The following ATXN2 variants were observed in gnomAD, a reference collection of about 807,000 sequenced individuals.
ATXN2 encodes the protein ataxin 2.
In ATXN2, 37 loss-of-function variants were observed where a neutral mutation model predicts 138.6. The ratio of observed to expected loss-of-function variants is 0.27; its 90% CI spans 0.21 to 0.35. The LOEUF (loss-of-function observed/expected upper bound fraction) is 0.35. Ranked by LOEUF, ATXN2 falls within the 10% of genes least tolerant of loss-of-function variation. The probability of loss-of-function intolerance (pLI) is 1.00; values close to 1 mark genes in which losing one functional copy is unlikely to be tolerated. For synonymous variants in ATXN2, 549 were observed against 543.7 expected (o/e 1.01, Z -0.13); for missense variants, 1,216 against 1,480.3 (o/e 0.82, Z 2.93).
At chr12:111,585,801 C>CAAAAAAAAA in intron 1 of ATXN2, among the ~76,000 whole-genome samples, 1 of 24,802 alleles carries the variant, frequency 4.0e-5, no homozygotes, top group Non-Finnish European at 1.9e-4. Flanking sequence ...AACTCCATCT[C>CAAAAAAAAA]AAAAAAAAAA....
chr12:111,502,635 C>T (rs1022991410), intron 14 of ATXN2, among the ~76,000 whole-genome samples: 3 of 151,832 alleles, frequency 2.0e-5, no homozygotes, highest in African/African-American at 4.8e-5. Flanking sequence ...TTCATCATGT[C>T]GGCCAGGCTG....
At chr12:111,537,567 A>G (rs1440719021) in intron 5 of ATXN2, among the ~76,000 whole-genome samples, 1 of 150,198 alleles carries the variant, frequency 6.7e-6, no homozygotes. Flanking sequence ...TGGGCGACAC[A>G]GTGAGACTCT....
At chr12:111,561,400 TG>T (rs1265009984) in intron 1 of ATXN2, among the ~76,000 whole-genome samples, 4 of 151,764 alleles carry the variant, frequency 2.6e-5, no homozygotes, top group African/African-American at 9.7e-5. Context: ...AGGAGGTGGC[TG>T]AGGGAGGAGA....
chr12:111,557,283 G>A (rs973229965), intron 1 of ATXN2, among the ~76,000 whole-genome samples: 1 of 152,164 alleles, frequency 6.6e-6, no homozygotes, highest in Non-Finnish European at 1.5e-5. Flanking sequence ...CCCTAGAAGA[G>A]TACTCTTAAC....
intron 18 of ATXN2, among the ~76,000 whole-genome samples, chr12:111,483,452 CTTTTT>C (rs927752030): frequency 5.6e-5 from 6 of 107,216 alleles, no homozygotes; most frequent in Middle Eastern, 7.1e-3. Context: ...TAAAAGAACT[CTTTTT>C]TTTTTTTTTT....
rs560594298 is a variant in ATXN2, at chr12:111,550,845, A to G, written c.571+1435T>C. On this transcript the variant is annotated intron_variant, in intron 5 of 24. Coordinates refer to ENST00000673436, the MANE Select transcript of ATXN2 (RefSeq NM_001372574.1). ...TAAGTCTAAGAGAAAGAATCCTGGT[A>G]TATTATTATTTCCAAGTAACAGTGT... Among the ~76,000 whole-genome samples, 169 of 152,316 alleles carry G rather than the reference A, an allele frequency of 1.1e-3. 2 individuals are homozygous for G. The highest frequency in any genetic ancestry group is 2.3e-3 in the Non-Finnish European group (156 of 68,024).
At chr12:111,481,810 C>T (rs1268871884) in intron 18 of ATXN2, among the ~76,000 whole-genome samples, 3 of 151,880 alleles carry the variant, frequency 2.0e-5, no homozygotes, top group Non-Finnish European at 2.9e-5. Context: ...TATAGGTGCA[C>T]GCTACCATGC....
intron 14 of ATXN2, among the ~76,000 whole-genome samples, chr12:111,489,745 T>C (rs1375184504): frequency 4.0e-5 from 6 of 151,740 alleles, no homozygotes; most frequent in Non-Finnish European, 8.8e-5. Context: ...AACATAGTGA[T>C]ACCCTGTCTC....
At chr12:111,489,402 CAGG>C (rs1395934311) in intron 14 of ATXN2, among the ~76,000 whole-genome samples, 3 of 152,090 alleles carry the variant, frequency 2.0e-5, no homozygotes, top group Admixed American at 2.0e-4. Context: ...ATCACGAGGT[CAGG>C]AGATCGAGAC....
At chr12:111,470,846 G>A (rs756680854) in intron 18 of ATXN2, 104 bp from the exon 19 acceptor site, 174 of 1,220,026 alleles carry the variant, frequency 1.4e-4, no homozygotes, top group Middle Eastern at 7.6e-4. Flanking sequence ...CTGAATCTGC[G>A]TCTCTGATGC....
At chr12:111,506,391 CACT>C (rs1441317348) in intron 14 of ATXN2, among the ~76,000 whole-genome samples, 2 of 151,938 alleles carry the variant, frequency 1.3e-5, no homozygotes, top group African/African-American at 2.4e-5. Flanking sequence ...CATTAAAAAC[CACT>C]GATTTATACA....
chr12:111,453,363 C>CA lies in ATXN2; in HGVS notation c.3439+313dup. ...GACTTTTGGGACTCAGGAAGGAAAA[C>CA]ACTGCCCTGTCCAGCCTGTCATAAC... is the stretch of plus-strand genomic sequence containing the variant. On this transcript the variant is annotated intron_variant, in intron 24 of 24. Transcript: ENST00000673436. The surrounding 1 kb of genome is among the most constrained non-coding windows in gnomAD (Gnocchi z 5.4). 1 of 1,124,348 alleles carries CA rather than the reference C, an allele frequency of 8.9e-7. No individual in the cohort carries two copies. Among genetic ancestry groups the CA allele is most frequent in the Non-Finnish European group, 1.1e-6 (1 of 919,236 alleles). The allele number at this position is 1,124,348 out of a possible 1,614,324, so 69.6% of individuals were successfully genotyped here. A position where few individuals can be genotyped will look rare whatever the true frequency, so the allele number is the denominator to read the frequency against.
chr12:111,560,725 T>C (rs867278779), intron 1 of ATXN2, among the ~76,000 whole-genome samples: 2 of 150,952 alleles, frequency 1.3e-5, no homozygotes, highest in South Asian at 4.3e-4. Flanking sequence ...CCAGAGTTAC[T>C]ACATTACTTA....
At chr12:111,575,114 C>T (rs1883560449) in intron 1 of ATXN2, among the ~76,000 whole-genome samples, 1 of 152,150 alleles carries the variant, frequency 6.6e-6, no homozygotes, top group Non-Finnish European at 1.5e-5. Context: ...ATCAATTTTT[C>T]AAGCTGAGGT....
At position 111,598,997 on chromosome 12, in the gene ATXN2, TGCTGC is replaced by T. The variant is rs1566091226; in HGVS notation, c.33_37del (p.Gln12AlafsTer76). 2 of 1,494,754 alleles carry T rather than the reference TGCTGC, an allele frequency of 1.3e-6. No homozygotes were observed. Among genetic ancestry groups the T allele is most frequent in the African/African-American group, 2.9e-5 (2 of 68,670 alleles). The allele number at this position is 1,494,754 out of a possible 1,614,324, so 92.6% of individuals were successfully genotyped here. A position where few individuals can be genotyped will look rare whatever the true frequency, so the allele number is the denominator to read the frequency against. On this transcript the variant is annotated frameshift_variant, in exon 1 of 25. Coordinates refer to ENST00000673436, the MANE Select transcript of ATXN2 (RefSeq NM_001372574.1). LOFTEE classifies it high-confidence loss of function. This position sits in a 1 kb window ranked among gnomAD's most constrained non-coding sequence, Gnocchi z 4.5. ...CTGCTGTTGCTGCTGCTGCTGCTGCTGCTGCTGCTGCTGCTGCTGCTGGGGCTTCA... is the reference window on the plus strand; with the variant it reads ...CTGCTGTTGCTGCTGCTGCTGCTGCTTGCTGCTGCTGCTGCTGGGGCTTCA...
At chr12:111,547,529 C>T (rs189176340) in intron 5 of ATXN2, among the ~76,000 whole-genome samples, 1 of 151,604 alleles carries the variant, frequency 6.6e-6, no homozygotes, top group Admixed American at 6.6e-5. Flanking sequence ...AGTTCAAGAC[C>T]AGCCTGACCA....
At position 111,473,283 on chromosome 12, in the gene ATXN2, A is replaced by T. The variant is rs551732975; in HGVS notation, c.2525-2541T>A. Among the ~76,000 whole-genome samples the T allele has an allele frequency of 3.9e-3, 340 of 86,726 alleles. 3 individuals are homozygous for T. In the South Asian group the frequency reaches 0.052, roughly 13 times the overall value. The allele number at this position is 86,726 out of a possible 152,430, so 56.9% of individuals were successfully genotyped here. A position where few individuals can be genotyped will look rare whatever the true frequency, so the allele number is the denominator to read the frequency against. ...AGCCAGACCTTGTCTCCAAAAAATT[A>T]AAAAAAAAAAAAAAATTCCAGAAGT... On this transcript the variant is annotated intron_variant, in intron 18 of 24. Transcript: ENST00000673436.
At chr12:111,533,264 T>A (rs187903253) in intron 5 of ATXN2, among the ~76,000 whole-genome samples, 32 of 152,314 alleles carry the variant, frequency 2.1e-4, no homozygotes, top group Non-Finnish European at 5.9e-5. Flanking sequence ...ACACTACAGT[T>A]GTCCTTCAGC....
At chr12:111,506,631 TC>T (rs1253945857) in intron 14 of ATXN2, among the ~76,000 whole-genome samples, 13 of 141,490 alleles carry the variant, frequency 9.2e-5, no homozygotes, top group South Asian at 2.3e-4. Context: ...CCTCTCCCTC[TC>T]CCCCCCTCCC....
Sources: allele counts gnomAD v4.1 joint callset (sites outside exome capture counted in the v4.1 genomes callset), GRCh38; gene constraint gnomAD v4.1.1; non-coding constraint Gnocchi (gnomAD v3.1); transcripts MANE v1.5; gene names NCBI Gene and HGNC (gene_info 2026-07-23, HGNC 2026-07-21).